NUBPL: variants seen among roughly 807,000 people sequenced by gnomAD.
NUBPL encodes the protein iron-sulfur cluster transfer protein NUBPL.
Under a neutral mutation model 45.7 loss-of-function variants are expected in NUBPL, and 31 were observed. The ratio of observed to expected loss-of-function variants is 0.68; its 90% CI spans 0.51 to 0.92. NUBPL has a LOEUF of 0.92. Among genes scored for constraint, NUBPL ranks in the 40% least tolerant of loss-of-function variants. NUBPL has a pLI of 0.00. For synonymous variants in NUBPL, 144 were observed against 140.9 expected, an observed-to-expected ratio of 1.02 and a Z score of -0.15; for missense variants, 401 against 398.7, an observed-to-expected ratio of 1.01 and a Z score of -0.05.
chr14:31,602,755 A>G (rs2034478625), intron 4 of NUBPL, among the ~76,000 whole-genome samples: 1 of 152,162 alleles, frequency 6.6e-6, no homozygotes, highest in Non-Finnish European at 1.5e-5. Context: ...TCTTTATATT[A>G]AATGTGTGGA....
intron 6 of NUBPL, among the ~76,000 whole-genome samples, chr14:31,770,530 T>G (rs1403333977): frequency 6.6e-6 from 1 of 152,200 alleles, no homozygotes; most frequent in East Asian, 1.9e-4. Context: ...AGCGATGTTA[T>G]TTACAGGAGT....
At chr14:31,798,139 T>C (rs2138852554) in intron 7 of NUBPL, among the ~76,000 whole-genome samples, 1 of 152,194 alleles carries the variant, frequency 6.6e-6, no homozygotes, top group Non-Finnish European at 1.5e-5. Context: ...TTATCTTTCT[T>C]ACCATCCTGC....
chr14:31,835,752 A>G (rs2040271480), intron 8 of NUBPL, among the ~76,000 whole-genome samples: 1 of 150,510 alleles, frequency 6.6e-6, no homozygotes, highest in Non-Finnish European at 1.5e-5. Flanking sequence ...GAAAACAAGA[A>G]CACCTGTCTC....
intron 6 of NUBPL, among the ~76,000 whole-genome samples, chr14:31,720,298 C>T (rs541425815): frequency 9.9e-5 from 15 of 152,278 alleles, no homozygotes; most frequent in African/African-American, 2.9e-4. Context: ...GGTCTTCCTA[C>T]CTCTGGACTC....
At chr14:31,764,253 T>A (rs1237415376) in intron 6 of NUBPL, among the ~76,000 whole-genome samples, 1 of 152,176 alleles carries the variant, frequency 6.6e-6, no homozygotes, top group African/African-American at 2.4e-5. Context: ...TTGGGTAGGA[T>A]ATAATGATGC....
At chr14:31,840,010 T>C (rs1189382151) in intron 8 of NUBPL, among the ~76,000 whole-genome samples, 2 of 152,140 alleles carry the variant, frequency 1.3e-5, no homozygotes, top group Admixed American at 1.3e-4. Context: ...GGTGGAAATA[T>C]AAATTAATAT....
intron 8 of NUBPL, among the ~76,000 whole-genome samples, chr14:31,841,921 T>TGTTTTTGTTTTTG (rs773326267): frequency 6.1e-5 from 6 of 98,816 alleles, no homozygotes; most frequent in Non-Finnish European, 1.3e-4. Flanking sequence ...TCTGGGCTTT[T>TGTTTTTGTTTTTG]TTTTTTTTTT....
chr14:31,667,448 CT>C (rs1221439353), intron 4 of NUBPL, among the ~76,000 whole-genome samples: 1 of 152,006 alleles, frequency 6.6e-6, no homozygotes, highest in Non-Finnish European at 1.5e-5. Context: ...TTAGCCCTTC[CT>C]GTAACCTTTT....
At chr14:31,601,753 G>A (rs1053510549) in intron 4 of NUBPL, among the ~76,000 whole-genome samples, 2 of 152,184 alleles carry the variant, frequency 1.3e-5, no homozygotes, top group Admixed American at 6.5e-5. Flanking sequence ...GTGCTGGAGA[G>A]GATGTGGAGA....
intron 8 of NUBPL, among the ~76,000 whole-genome samples, chr14:31,842,186 A>G (rs2040387734): frequency 6.6e-6 from 1 of 151,670 alleles, no homozygotes; most frequent in African/African-American, 2.4e-5. Flanking sequence ...TTGGCCTCCC[A>G]AAGAGCTGGG....
At chr14:31,577,875 T>G in intron 3 of NUBPL, 4 of 977,314 alleles carry the variant, frequency 4.1e-6, no homozygotes, top group Non-Finnish European at 5.6e-6. Context: ...TGGAGCCACC[T>G]TAGTGGTTTC....
chr14:31,848,709 C>A (rs1432278221), intron 9 of NUBPL, among the ~76,000 whole-genome samples: 1 of 152,186 alleles, frequency 6.6e-6, no homozygotes, highest in Admixed American at 6.5e-5. Flanking sequence ...ACCATTCTTA[C>A]TACGCACCTA....
chr14:31,737,683 C>T (rs2038193260), intron 6 of NUBPL, among the ~76,000 whole-genome samples: 1 of 152,108 alleles, frequency 6.6e-6, no homozygotes, highest in South Asian at 2.1e-4. Context: ...ACTCCGGAGG[C>T]TGAGGCACAA....
intron 3 of NUBPL, among the ~76,000 whole-genome samples, chr14:31,572,948 A>G (rs1196747693): frequency 2.6e-5 from 4 of 152,236 alleles, no homozygotes; most frequent in African/African-American, 9.6e-5. Flanking sequence ...AGATACAGTA[A>G]AAATATAGTA....
chr14:31,758,182 A>G (rs556325545), intron 6 of NUBPL, among the ~76,000 whole-genome samples: 16 of 152,258 alleles, frequency 1.1e-4, no homozygotes, highest in African/African-American at 3.4e-4. Context: ...CTTCTTGACT[A>G]TCTTGTTCAC....
intron 6 of NUBPL, among the ~76,000 whole-genome samples, chr14:31,734,601 CATTTT>C (rs199708323): frequency 0.017 from 2,587 of 152,154 alleles, 39 homozygotes; most frequent in South Asian, 0.026. Context: ...TAAATTTCTT[CATTTT>C]AAGTTTCTTC....
At chr14:31,842,184 C>T (rs1040175246) in intron 8 of NUBPL, among the ~76,000 whole-genome samples, 1 of 151,702 alleles carries the variant, frequency 6.6e-6, no homozygotes, top group African/African-American at 2.4e-5. Flanking sequence ...TCTTGGCCTC[C>T]CAAAGAGCTG....
chr14:31,602,497 A>C (rs2034469371), intron 4 of NUBPL, among the ~76,000 whole-genome samples: 1 of 152,042 alleles, frequency 6.6e-6, no homozygotes, highest in Admixed American at 6.5e-5. Context: ...AGAGCACCGA[A>C]TTTTAATAAA....
At chr14:31,853,521 C>T (rs1291111056) in intron 10 of NUBPL, among the ~76,000 whole-genome samples, 1 of 152,126 alleles carries the variant, frequency 6.6e-6, no homozygotes, top group East Asian at 1.9e-4. Context: ...TTATTCTCTG[C>T]CCACAAAATC....
Sources: gnomAD v4.1 joint callset for allele counts (sites outside exome capture counted in the v4.1 genomes callset) on GRCh38, gnomAD v4.1.1 for gene constraint, MANE v1.5 for transcripts, NCBI Gene and HGNC (gene_info 2026-07-23, HGNC 2026-07-21) for gene names.